CBARP: variants seen among roughly 807,000 people sequenced by gnomAD.
The protein encoded by CBARP is CACN subunit beta associated regulatory protein, also known as voltage-dependent calcium channel beta subunit-associated regulatory protein.
In CBARP, 24 loss-of-function variants were observed where a neutral mutation model predicts 36.3. The observed-to-expected ratio is 0.66, with a 90% CI of 0.48 to 0.93. The LOEUF (loss-of-function observed/expected upper bound fraction) is 0.93, where lower values mean the gene tolerates loss of function less well. Ranked by LOEUF, CBARP falls within the 40% of genes least tolerant of loss-of-function variation. The pLI is 0.00. For missense variants in CBARP, 1,146 were observed against 980.4 expected (o/e 1.17, Z -2.26); for synonymous variants, 586 against 453.2 (o/e 1.29, Z -3.72).
chr19:1,237,837 G>C lies in CBARP; in HGVS notation c.-103C>G, dbSNP rs1029521915. ...GCGCTCGCGGCTGGCTCCGGCGCCC[G>C]GTGGCCGCGGAGCAGGCGGAGAATT... is the stretch of plus-strand genomic sequence containing the variant. On this transcript the variant is annotated 5_prime_UTR_variant, in exon 1 of 10. Transcript: ENST00000650044. 6.7e-6 allele frequency: 1 copy of C among 148,208 alleles called. No individual in the cohort carries two copies. Among genetic ancestry groups the C allele is most frequent in the Admixed American group, 6.7e-5 (1 of 14,916 alleles). 9.2% of individuals were successfully genotyped at this position (148,208 alleles called of 1,614,324 possible).
rs2080962042 is a variant in CBARP, at chr19:1,235,827, A to T, written c.197T>A (p.Val66Asp). ...VGGTLVVLSG[V>D]LLLCKRCWDV... ...CCAGCAGCGCTTGCAGAGGAGCAGG[A>T]CGCCAGACAACACCACCAGCGTGCC... is the stretch of plus-strand genomic sequence containing the variant. Residue 66 changes from valine (V) to aspartate (D), a missense_variant, in exon 3 of 10, where the codon GTC (valine) becomes GAC (aspartate). By Grantham distance (152) the Val-to-Asp change is radical. Coordinates refer to ENST00000650044, the MANE Select transcript of CBARP (RefSeq NM_001393918.1). 6.2e-7 allele frequency: 1 copy of T among 1,610,704 alleles called. No individual in the cohort carries two copies.
Position 1,234,989 on chromosome 19 carries a change from C to T in CBARP, c.455+12G>A, listed in dbSNP as rs114436362. 2.7e-4 allele frequency: 426 copies of T among 1,595,300 alleles called. No individual in the cohort carries two copies. The highest frequency in any genetic ancestry group is 3.4e-4 in the Non-Finnish European group (403 of 1,168,764). On this transcript the variant is annotated intron_variant, in intron 5 of 9. Transcript: ENST00000650044. The stretch of plus-strand genomic sequence containing the variant: ...CAGGCCCTGGGGTGCCTCCCAACGC[C>T]GCCCCGCTTACCGGCGACCCTTGTC...
In CBARP at chr19:1,229,830, C is replaced by A. The variant is rs1438127548; in HGVS notation, c.1467G>T (p.Arg489=). The change falls in exon 10 of 10, where the codon CGG becomes CGT. Residue 489 remains arginine, a synonymous_variant. Coordinates refer to ENST00000650044, the MANE Select transcript of CBARP (RefSeq NM_001393918.1). The surrounding 1 kb of genome is among the most constrained non-coding windows in gnomAD (Gnocchi z 5.1). The part of the protein sequence containing the change: ...AFPPPSPPAP[R]PKDGEARRLL... ...GCCGGCGCGCCTCGCCGTCCTTGGGCCGCGGCGCGGGCGGGGAGGGCGGCG... is the reference window on the plus strand; with the variant it reads ...GCCGGCGCGCCTCGCCGTCCTTGGGACGCGGCGCGGGCGGGGAGGGCGGCG... 1 of 983,770 alleles carries A rather than the reference C, an allele frequency of 1.0e-6. No individual in the cohort carries two copies. The highest frequency in any genetic ancestry group is 1.2e-6 in the Non-Finnish European group (1 of 830,498). 60.9% of individuals were successfully genotyped at this position (983,770 alleles called of 1,614,324 possible).
chr19:1,232,077 G>A (rs1481430785), intron 8 of CBARP, among the ~76,000 whole-genome samples: 1 of 152,096 alleles, frequency 6.6e-6, no homozygotes, highest in Non-Finnish European at 1.5e-5. Flanking sequence ...TCTGGAGAGC[G>A]CTGGGGGACT....
Position 1,231,137 on chromosome 19 carries a change from C to G in CBARP, c.1118G>C (p.Arg373Pro). 6.3e-7 allele frequency: 1 copy of G among 1,598,086 alleles called. No homozygotes were observed. The highest frequency in any genetic ancestry group is 1.1e-5 in the South Asian group (1 of 90,326). ...AGDAVAFPHP[R>P]PFLASPPPAL... ...AGGGGGCGGGCTGGCCAGAAAGGGG[C>G]GGGGGTGCGGGAAGGCCACGGCGTC... Residue 373 changes from arginine (R) to proline (P), a missense_variant, in exon 9 of 10, where the codon CGC (arginine) becomes CCC (proline). Coordinates refer to ENST00000650044, the MANE Select transcript of CBARP (RefSeq NM_001393918.1).
intron 1 of CBARP, among the ~76,000 whole-genome samples, chr19:1,236,892 C>T (rs1048658891): frequency 2.1e-4 from 31 of 149,944 alleles, no homozygotes; most frequent in African/African-American, 7.5e-4. Flanking sequence ...CGCGAAGCCG[C>T]AAGATGGCCG....
intron 4 of CBARP, 167 bp downstream of exon 4, chr19:1,235,334 C>T: frequency 1.9e-6 from 2 of 1,049,836 alleles, no homozygotes; most frequent in Non-Finnish European, 2.7e-6. Context: ...CGCCTGGGCC[C>T]ACCTACGCCT....
chr19:1,230,436 G>A, intron 9 of CBARP: 1 of 991,500 alleles, frequency 1.0e-6, no homozygotes, highest in Non-Finnish European at 1.2e-6. Flanking sequence ...CTCTCCGGGA[G>A]TCACGTTTTC....
chr19:1,230,456 C>T, intron 9 of CBARP: 1 of 995,288 alleles, frequency 1.0e-6, no homozygotes, highest in Non-Finnish European at 1.2e-6. Flanking sequence ...CCCAGCCTCC[C>T]AGTGGACGTG....
At chr19:1,237,024 C>T (rs1326431129) in intron 1 of CBARP, among the ~76,000 whole-genome samples, 1 of 152,122 alleles carries the variant, frequency 6.6e-6, no homozygotes, top group Non-Finnish European at 1.5e-5. Flanking sequence ...CTGTGCGGCG[C>T]AGCCGGGTGG....
rs184387455 is a variant in CBARP, at chr19:1,233,526, G to A, written c.879C>T (p.Arg293=). 6.2e-7 allele frequency: 1 copy of A among 1,602,620 alleles called. No individual in the cohort carries two copies. The highest frequency in any genetic ancestry group is 8.5e-7 in the Non-Finnish European group (1 of 1,174,684). ...CATCCAGGCTGGCATGGCGGCGCAGGCGGGTGAGGAACTGCAGAACGGTAC... is the reference window on the plus strand; with the variant it reads ...CATCCAGGCTGGCATGGCGGCGCAGACGGGTGAGGAACTGCAGAACGGTAC... ...GAGTVLQFLT[R]LRRHASLDGA... is the part of the protein sequence containing the mutation. Residue 293 remains arginine, a synonymous_variant, in exon 8 of 10, where the codon CGC becomes CGT. Transcript: ENST00000650044.
chr19:1,234,613 G>T lies in CBARP; in HGVS notation c.585C>A (p.Pro195=). ...DSGEASSATT[P]HPATSPKATL... ...TGGCCTTGGGAGAGGTGGCCGGGTGGGGCGTGGTGGCTGAGCTGGCCTCGC... is the reference window on the plus strand; with the variant it reads ...TGGCCTTGGGAGAGGTGGCCGGGTGTGGCGTGGTGGCTGAGCTGGCCTCGC... The change falls in exon 6 of 10, where the codon CCC becomes CCA. Residue 195 remains proline (P), a synonymous_variant. Coordinates refer to ENST00000650044, the MANE Select transcript of CBARP (RefSeq NM_001393918.1). 1 of 1,609,048 alleles carries T rather than the reference G, an allele frequency of 6.2e-7. No individual in the cohort carries two copies. The highest frequency in any genetic ancestry group is 8.5e-7 in the Non-Finnish European group (1 of 1,178,408).
rs996705299 is a variant in CBARP, at chr19:1,230,378, C to T, written c.1155-236G>A. ...GGGTGCCTCCATGCTGGACTGCAGA[C>T]GGCGGGGCCCCCTCCCTTGGAAGCC... On this transcript the variant is annotated intron_variant, in intron 9 of 9. Transcript: ENST00000650044. 5.6e-5 allele frequency: 55 copies of T among 986,942 alleles called. No individual in the cohort carries two copies. The African/African-American group carries it at 7.2e-4, about 13-fold the overall frequency. 61.1% of individuals were successfully genotyped at this position (986,942 alleles called of 1,614,324 possible). A position where few individuals can be genotyped will look rare whatever the true frequency, so the allele number is the denominator to read the frequency against.
intron 8 of CBARP, among the ~76,000 whole-genome samples, chr19:1,231,841 A>AGCAGG (rs1444120488): frequency 2.0e-5 from 3 of 151,952 alleles, no homozygotes; most frequent in African/African-American, 7.3e-5. Flanking sequence ...AGAGAGCCTG[A>AGCAGG]GCAGGGCAGG....
rs140313815 is a variant in CBARP at position 1,236,026 on chromosome 19, C to T, written c.75G>A (p.Thr25=). ...GGCGTCCAGTGGCATTGTCCCACGA[C>T]GTCGTCAGGGCTACTGTGGCAGTGG... The part of the protein sequence containing the change: ...TTTTATVALT[T]SWDNATGRPT... The change falls in exon 2 of 10, where the codon ACG becomes ACA. Residue 25 remains threonine (T), a synonymous_variant. Coordinates refer to ENST00000650044, the MANE Select transcript of CBARP (RefSeq NM_001393918.1). The T allele has an allele frequency of 4.5e-6, 7 of 1,542,142 alleles. No homozygotes were observed. Among genetic ancestry groups the T allele is most frequent in the Middle Eastern group, 1.7e-4 (1 of 5,764 alleles).
rs1014935547 is a variant in CBARP at position 1,229,090 on chromosome 19, G to A, written c.*89C>T. 5 of 399,118 alleles carry A rather than the reference G, an allele frequency of 1.3e-5. No homozygotes were observed. The highest frequency in any genetic ancestry group is 1.7e-5 in the Non-Finnish European group (5 of 293,008). The allele number at this position is 399,118 out of a possible 1,614,324, so 24.7% of individuals were successfully genotyped here. On this transcript the variant is annotated 3_prime_UTR_variant, in exon 10 of 10. Transcript: ENST00000650044. The surrounding 1 kb of genome is among the most constrained non-coding windows in gnomAD (Gnocchi z 5.1). Reference sequence around the variant, plus strand: ...CCCGCGGTCCCCGCGCATTCGCGTCGGGGCGTCGCGCCCCCACGTCTCTCC... The same window carrying A: ...CCCGCGGTCCCCGCGCATTCGCGTCAGGGCGTCGCGCCCCCACGTCTCTCC...
At position 1,229,115 on chromosome 19, in the gene CBARP, C is replaced by T. The variant is rs1464262977; in HGVS notation, c.*64G>A. 3 of 672,114 alleles carry T rather than the reference C, an allele frequency of 4.5e-6. No homozygotes were observed. The highest frequency in any genetic ancestry group is 5.6e-6 in the Non-Finnish European group (3 of 537,036). 41.6% of individuals were successfully genotyped at this position (672,114 alleles called of 1,614,324 possible). A position where few individuals can be genotyped will look rare whatever the true frequency, so the allele number is the denominator to read the frequency against. ...GGGGCGTCGCGCCCCCACGTCTCTC[C>T]CGCCGCCGAGGCCCCGTGCGGCGCC... is the stretch of plus-strand genomic sequence containing the variant. On this transcript the variant is annotated 3_prime_UTR_variant, in exon 10 of 10. Transcript: ENST00000650044. The surrounding 1 kb of genome is among the most constrained non-coding windows in gnomAD (Gnocchi z 5.1).
chr19:1,233,161 C>T (rs948033432), intron 8 of CBARP, among the ~76,000 whole-genome samples: 3 of 152,216 alleles, frequency 2.0e-5, no homozygotes, highest in Admixed American at 6.5e-5. Context: ...CCCAATGGCC[C>T]GAGAGCAGTC....
chr19:1,229,623 C>T lies in CBARP; in HGVS notation c.1674G>A (p.Pro558=), dbSNP rs2080863207. ...CGGCAGCCGGCGTGTCGTCGAAGTGCGGGTCGTGGCGCAGGAACTCGTGGA... is the reference window on the plus strand; with the variant it reads ...CGGCAGCCGGCGTGTCGTCGAAGTGTGGGTCGTGGCGCAGGAACTCGTGGA... ...ALFHEFLRHD[P]HFDDTPAAAR... The change falls in exon 10 of 10, where the codon CCG becomes CCA. Residue 558 remains proline, a synonymous_variant. Coordinates refer to ENST00000650044, the MANE Select transcript of CBARP (RefSeq NM_001393918.1). This position sits in a 1 kb window ranked among gnomAD's most constrained non-coding sequence, Gnocchi z 5.1. 2 of 1,201,058 alleles carry T rather than the reference C, an allele frequency of 1.7e-6. No individual in the cohort carries two copies. Among genetic ancestry groups the T allele is most frequent in the Middle Eastern group, 2.5e-4 (1 of 3,996 alleles). 74.4% of individuals were successfully genotyped at this position (1,201,058 alleles called of 1,614,324 possible).
Sources: gnomAD v4.1 joint callset for allele counts (sites outside exome capture counted in the v4.1 genomes callset) on GRCh38, gnomAD v4.1.1 for gene constraint, Gnocchi (gnomAD v3.1) non-coding constraint, MANE v1.5 for transcripts, NCBI Gene and HGNC (gene_info 2026-07-23, HGNC 2026-07-21) for gene names.